The following CES5A variants were observed in gnomAD, a reference collection of about 807,000 sequenced individuals.
CES5A encodes carboxylesterase 5A.
A neutral mutation model predicts 62.9 loss-of-function variants in CES5A; 67 were observed. That is an observed-to-expected ratio of 1.07 (90% CI 0.88 to 1.31). CES5A has a LOEUF of 1.31. Among genes scored for constraint, CES5A ranks in the 50% most tolerant of loss-of-function variants. CES5A has a pLI of 0.00. For synonymous variants in CES5A, 296 were observed against 280.8 expected (o/e 1.05, Z -0.54); for missense variants, 748 against 708.5 (o/e 1.06, Z -0.63).
upstream of CES5A, among the ~76,000 whole-genome samples, chr16:55,877,510 C>T (rs2142421021): frequency 6.6e-6 from 1 of 151,620 alleles, no homozygotes; most frequent in African/African-American, 2.4e-5. Flanking sequence ...CCACCAAAGT[C>T]TTACTCTTCC....
intron 10 of CES5A, among the ~76,000 whole-genome samples, chr16:55,850,906 T>A (rs202169927): frequency 2.6e-5 from 4 of 151,826 alleles, no homozygotes; most frequent in East Asian, 1.9e-4. Flanking sequence ...CTTTTCTTTT[T>A]AAAAAAATTA....
intron 2 of CES5A, among the ~76,000 whole-genome samples, chr16:55,931,787 C>G (rs1232240053): frequency 6.6e-6 from 1 of 152,208 alleles, no homozygotes; most frequent in African/African-American, 2.4e-5. Flanking sequence ...ACTACTCAAC[C>G]ATGAGATTTC....
At chr16:55,887,400 AG>A (rs1448931748) in intron 1 of CES5A, among the ~76,000 whole-genome samples, 2 of 151,432 alleles carry the variant, frequency 1.3e-5, no homozygotes, top group Admixed American at 6.6e-5. Flanking sequence ...AAAAAAAAAA[AG>A]TTACTACACT....
intron 3 of CES5A, 131 bp downstream of exon 3, chr16:55,871,494 T>C: frequency 1.0e-6 from 1 of 979,904 alleles, no homozygotes; most frequent in Non-Finnish European, 1.5e-6. Flanking sequence ...TTTTAAAAAT[T>C]GTTGATGTGA....
At position 55,849,773 on chromosome 16, in the gene CES5A, T is replaced by C. The variant is rs1292226693; in HGVS notation, c.1274A>G (p.Asp425Gly). Reference protein sequence around the residue: ...PALITARYHRDAGAPVYFYEF... With the variant: ...PALITARYHRGAGAPVYFYEF... The stretch of plus-strand genomic sequence containing the variant: ...ATAGAAGTAGACAGGTGCACCAGCA[T>C]CTGACAAAAGGTCAGGGAAGGTCAG... The change falls in exon 11 of 13, where the codon GAT (aspartate) becomes GGT (glycine). Residue 425 changes from aspartate to glycine, a missense_variant and splice_region_variant. Asp to Gly is a moderately conservative substitution (Grantham distance 94). Transcript: ENST00000290567. 1.9e-5 allele frequency: 30 copies of C among 1,613,516 alleles called. No individual in the cohort carries two copies. Among genetic ancestry groups the C allele is most frequent in the Non-Finnish European group, 2.5e-5 (30 of 1,179,816 alleles).
At chr16:55,877,156 T>A (rs2033706709), upstream of CES5A, among the ~76,000 whole-genome samples, 1 of 152,132 alleles carries the variant, frequency 6.6e-6, no homozygotes, top group Admixed American at 6.5e-5. Context: ...GCCCTCCCAC[T>A]CATGTGGTCC....
chr16:55,873,810 C>G, intron 2 of CES5A, 23 bp downstream of exon 2: 1 of 1,598,962 alleles, frequency 6.3e-7, no homozygotes, highest in East Asian at 2.2e-5. Flanking sequence ...ACAAACCACC[C>G]GTGGGCCCGA....
At chr16:55,951,103 CAAAAAAA>C (rs55951124) in intron 1 of CES5A, among the ~76,000 whole-genome samples, 18 of 44,376 alleles carry the variant, frequency 4.1e-4, no homozygotes, top group African/African-American at 2.2e-3. Context: ...GACTCCATCT[CAAAAAAA>C]AAAAAAAAAA....
chr16:55,850,954 G>A (rs558428800), intron 10 of CES5A, among the ~76,000 whole-genome samples: 19 of 152,132 alleles, frequency 1.2e-4, no homozygotes, highest in African/African-American at 4.6e-4. Flanking sequence ...AAAGAATAAA[G>A]GTAGATTCTT....
At chr16:55,856,755 C>T (rs9938418) in intron 8 of CES5A, among the ~76,000 whole-genome samples, 50,356 of 152,102 alleles carry the variant, frequency 0.33, 9,596 homozygotes, top group African/African-American at 0.52. Flanking sequence ...AAGCCTTAAC[C>T]CCCTGCAATT....
chr16:55,893,202 G>A (rs1469092957), intron 1 of CES5A, among the ~76,000 whole-genome samples: 1 of 152,090 alleles, frequency 6.6e-6, no homozygotes, highest in Admixed American at 6.5e-5. Context: ...CTACACCTTT[G>A]AGACATTTGA....
chr16:55,852,176 C>T (rs558663557), intron 10 of CES5A, among the ~76,000 whole-genome samples: 4 of 152,300 alleles, frequency 2.6e-5, no homozygotes, highest in Admixed American at 2.0e-4. Flanking sequence ...TTGAACTATA[C>T]ACTTAAAATG....
chr16:55,905,365 A>C (rs1453977779), intron 1 of CES5A, among the ~76,000 whole-genome samples: 1 of 135,358 alleles, frequency 7.4e-6, no homozygotes, highest in Non-Finnish European at 1.6e-5. Context: ...ATATCTTTAA[A>C]TCTGACTTTT....
intron 2 of CES5A, among the ~76,000 whole-genome samples, chr16:55,944,973 C>T (rs1235275475): frequency 2.0e-5 from 3 of 152,172 alleles, no homozygotes; most frequent in Admixed American, 6.5e-5. Flanking sequence ...TCAAATCCGC[C>T]TCTGCTTCTC....
At chr16:55,885,792 A>G (rs140548771) in intron 1 of CES5A, among the ~76,000 whole-genome samples, 179 of 152,294 alleles carry the variant, frequency 1.2e-3, no homozygotes, top group African/African-American at 4.1e-3. Flanking sequence ...GAAGCCCGCA[A>G]AGTTCATTCT....
At position 55,859,546 on chromosome 16, in the gene CES5A, C is replaced by T. The variant is rs759756407; in HGVS notation, c.1056+1G>A. 3.1e-6 allele frequency: 5 copies of T among 1,610,842 alleles called. No homozygotes were observed. In the East Asian group the frequency reaches 1.1e-4, roughly 36 times the overall value. On this transcript the variant is annotated splice_donor_variant, in intron 8 of 12. Transcript: ENST00000290567. LOFTEE classifies it high-confidence loss of function. ...GCAGTATGGACAGCCAGAATTCTTACCATAGGCAGCAGGAAGCCACACTCG... is the reference window on the plus strand; with the variant it reads ...GCAGTATGGACAGCCAGAATTCTTATCATAGGCAGCAGGAAGCCACACTCG...
At chr16:55,936,737 T>G (rs1354546698) in intron 2 of CES5A, among the ~76,000 whole-genome samples, 1 of 152,204 alleles carries the variant, frequency 6.6e-6, no homozygotes, top group African/African-American at 2.4e-5. Context: ...AAATAGTTTT[T>G]ATTTTAGGTG....
chr16:55,847,483 G>A (rs1482549984), intron 11 of CES5A, among the ~76,000 whole-genome samples: 1 of 152,028 alleles, frequency 6.6e-6, no homozygotes, highest in East Asian at 1.9e-4. Context: ...AATGCAGAAA[G>A]AGATCTAATA....
intron 10 of CES5A, among the ~76,000 whole-genome samples, chr16:55,852,009 A>G (rs2033142557): frequency 6.6e-6 from 1 of 152,232 alleles, no homozygotes; most frequent in Non-Finnish European, 1.5e-5. Context: ...AGTCAGTCAT[A>G]GAGACAGAAA....
Sources: gnomAD v4.1 joint callset for allele counts (sites outside exome capture counted in the v4.1 genomes callset) on GRCh38, gnomAD v4.1.1 for gene constraint, MANE v1.5 for transcripts, NCBI Gene and HGNC (gene_info 2026-07-23, HGNC 2026-07-21) for gene names.